PCSK2: variants seen among roughly 807,000 people sequenced by gnomAD.
PCSK2 encodes the protein neuroendocrine convertase 2.
In PCSK2, 14 loss-of-function variants were observed where a neutral mutation model predicts 69.7. That is an observed-to-expected ratio of 0.20 (90% CI 0.13 to 0.31). The LOEUF (loss-of-function observed/expected upper bound fraction) is 0.31, where lower values mean the gene tolerates loss of function less well. PCSK2 is among the 10% of genes least tolerant of loss of function. PCSK2 has a pLI of 1.00. For synonymous variants in PCSK2, 307 were observed against 320.7 expected, an observed-to-expected ratio of 0.96 and a Z score of 0.46; for missense variants, 544 against 842.5, an observed-to-expected ratio of 0.65 and a Z score of 4.39.
Position 17,293,293 on chromosome 20 carries a change from A to G in PCSK2, c.282+32949A>G, listed in dbSNP as rs1194899295. Among the ~76,000 whole-genome samples, 18 of 152,326 alleles carry G rather than the reference A, an allele frequency of 1.2e-4. No homozygotes were observed. In the South Asian group the frequency reaches 3.5e-3, roughly 30 times the overall value. ...CATAAAGAATAAATAATGGTTATTT[A>G]ACTTGTGTTTTATAATATATTTATA... is the stretch of plus-strand genomic sequence containing the variant. On this transcript the variant is annotated intron_variant, in intron 2 of 11. Coordinates refer to ENST00000262545, the MANE Select transcript of PCSK2 (RefSeq NM_002594.5).
intron 1 of PCSK2, among the ~76,000 whole-genome samples, chr20:17,257,126 C>G (rs1209546836): frequency 7.2e-5 from 11 of 152,164 alleles, no homozygotes; most frequent in Non-Finnish European, 1.3e-4. Context: ...TGAACAGACA[C>G]TTCTCAAAGG....
At chr20:17,238,221 A>AT (rs1375903368) in intron 1 of PCSK2, among the ~76,000 whole-genome samples, 1 of 152,208 alleles carries the variant, frequency 6.6e-6, no homozygotes, top group African/African-American at 2.4e-5. Flanking sequence ...AAATAGAAAA[A>AT]TAGTGTTACA....
At chr20:17,268,062 T>TATATAA (rs1403191827) in intron 2 of PCSK2, among the ~76,000 whole-genome samples, 5 of 146,744 alleles carry the variant, frequency 3.4e-5, no homozygotes, top group East Asian at 3.9e-4. Context: ...TATATATATA[T>TATATAA]AATGCATTTA....
At chr20:17,257,853 G>A (rs928210084) in intron 1 of PCSK2, among the ~76,000 whole-genome samples, 8 of 152,172 alleles carry the variant, frequency 5.3e-5, no homozygotes, top group Non-Finnish European at 1.2e-4. Flanking sequence ...ATATATTAGA[G>A]CTTTGTAAAG....
At chr20:17,275,983 G>A (rs1988058239) in intron 2 of PCSK2, among the ~76,000 whole-genome samples, 1 of 152,144 alleles carries the variant, frequency 6.6e-6, no homozygotes, top group African/African-American at 2.4e-5. Context: ...TATCTGAAAG[G>A]TTGATGTGAG....
rs375353459 is a variant in PCSK2 at position 17,386,563 on chromosome 20, C to G, written c.543+17286C>G. Among the ~76,000 whole-genome samples, 3 of 152,164 alleles carry G rather than the reference C, an allele frequency of 2.0e-5. No homozygotes were observed. The East Asian group carries it at 5.8e-4, about 29-fold the overall frequency. ...TAAAAAGACAAATATTCTGATCCCA[C>G]TTATATGAGGTATCTAGAGTAATCA... On this transcript the variant is annotated intron_variant, in intron 5 of 11. Transcript: ENST00000262545.
chr20:17,285,921 C>A (rs924024043), intron 2 of PCSK2, among the ~76,000 whole-genome samples: 12 of 152,124 alleles, frequency 7.9e-5, no homozygotes, highest in Non-Finnish European at 1.5e-4. Context: ...CTTACCAGAC[C>A]CCACCAGAGC....
At chr20:17,348,050 GGAAAGAAAGAAA>G (rs200387593) in intron 2 of PCSK2, among the ~76,000 whole-genome samples, 20,424 of 86,642 alleles carry the variant, frequency 0.24, 2,264 homozygotes, top group East Asian at 0.51. Context: ...AAGAAAGAAA[GGAAAGAAAGAAA>G]GAAAGAAAGA....
chr20:17,297,367 G>A (rs1272633286), intron 2 of PCSK2, among the ~76,000 whole-genome samples: 3 of 152,206 alleles, frequency 2.0e-5, no homozygotes, highest in African/African-American at 7.2e-5. Context: ...CCATTGAGGT[G>A]GTGTTGGTGA....
At chr20:17,431,297 A>G (rs1377411895) in intron 7 of PCSK2, among the ~76,000 whole-genome samples, 2 of 152,144 alleles carry the variant, frequency 1.3e-5, no homozygotes, top group African/African-American at 4.8e-5. Flanking sequence ...GCCAGTTCCC[A>G]TCTTTCATTG....
intron 2 of PCSK2, among the ~76,000 whole-genome samples, chr20:17,340,199 G>A (rs1242112490): frequency 6.6e-6 from 1 of 152,196 alleles, no homozygotes; most frequent in Non-Finnish European, 1.5e-5. Context: ...GAGTCATGCA[G>A]GTCCCCATGA....
chr20:17,433,679 G>A (rs543864719), intron 7 of PCSK2, among the ~76,000 whole-genome samples: 12 of 152,264 alleles, frequency 7.9e-5, no homozygotes, highest in South Asian at 2.1e-4. Context: ...GCCTGCCTGG[G>A]GTCAGATAGA....
chr20:17,415,693 A>C (rs1245139992), intron 6 of PCSK2, among the ~76,000 whole-genome samples: 1 of 152,242 alleles, frequency 6.6e-6, no homozygotes, highest in Non-Finnish European at 1.5e-5. Context: ...TTTAAAGTTC[A>C]TATTGAACCA....
At chr20:17,362,532 A>AG (rs1417460841) in intron 4 of PCSK2, among the ~76,000 whole-genome samples, 1 of 152,200 alleles carries the variant, frequency 6.6e-6, no homozygotes, top group Non-Finnish European at 1.5e-5. Flanking sequence ...GAAAAGGCTC[A>AG]GCCTCCCTCC....
At chr20:17,407,608 G>C (rs1329792355) in intron 5 of PCSK2, among the ~76,000 whole-genome samples, 1 of 152,126 alleles carries the variant, frequency 6.6e-6, no homozygotes, top group Non-Finnish European at 1.5e-5. Context: ...ATATCGCATG[G>C]GAAGTCAGTG....
At chr20:17,441,479 A>G (rs1448470008) in intron 8 of PCSK2, among the ~76,000 whole-genome samples, 2 of 152,174 alleles carry the variant, frequency 1.3e-5, no homozygotes, top group East Asian at 3.9e-4. Flanking sequence ...ATGCCCCTGT[A>G]TTAATCTGTT....
intron 2 of PCSK2, among the ~76,000 whole-genome samples, chr20:17,279,183 T>C (rs957795555): frequency 1.3e-5 from 2 of 152,216 alleles, no homozygotes; most frequent in African/African-American, 4.8e-5. Context: ...CAGAATGTCC[T>C]TCATGAGAGG....
intron 7 of PCSK2, among the ~76,000 whole-genome samples, chr20:17,432,663 C>T (rs2123342970): frequency 6.6e-6 from 1 of 152,240 alleles, no homozygotes; most frequent in South Asian, 2.1e-4. Context: ...ATCCACAAAA[C>T]CAAGCAAATG....
intron 2 of PCSK2, among the ~76,000 whole-genome samples, chr20:17,324,740 G>C (rs563757784): frequency 2.6e-5 from 4 of 152,318 alleles, no homozygotes; most frequent in Admixed American, 2.0e-4. Context: ...CTGAGAAGGA[G>C]CTGTGGGCTT....
Sources: allele counts gnomAD v4.1 joint callset (sites outside exome capture counted in the v4.1 genomes callset), GRCh38; gene constraint gnomAD v4.1.1; transcripts MANE v1.5; gene names NCBI Gene and HGNC (gene_info 2026-07-23, HGNC 2026-07-21).